The following CHL1 variants were observed in gnomAD, a reference collection of about 807,000 sequenced individuals.
CHL1 encodes the protein neural cell adhesion molecule L1-like protein.
A neutral mutation model predicts 141.9 loss-of-function variants in CHL1; 96 were observed. That is an observed-to-expected ratio of 0.68 (90% CI 0.57 to 0.80). CHL1 has a LOEUF of 0.80. Among genes scored for constraint, CHL1 ranks in the 30% least tolerant of loss-of-function variants. CHL1 has a pLI of 0.00. For missense variants in CHL1, 1,820 were observed against 1,457.2 expected, an observed-to-expected ratio of 1.25 and a Z score of -4.05; for synonymous variants, 613 against 502.2, an observed-to-expected ratio of 1.22 and a Z score of -2.95.
At chr3:317,654 G>GA (rs35799872) in intron 2 of CHL1, among the ~76,000 whole-genome samples, 25,898 of 132,148 alleles carry the variant, frequency 0.2, 3,096 homozygotes, top group African/African-American at 0.36. Flanking sequence ...AACTGTTTCA[G>GA]AAAAAAAAAA....
intron 10 of CHL1, among the ~76,000 whole-genome samples, chr3:350,457 A>C (rs780883964): frequency 5.7e-4 from 86 of 152,194 alleles, no homozygotes; most frequent in Non-Finnish European, 1.1e-3. Flanking sequence ...AGTGCAGTGT[A>C]AGCTTAGCTA....
intron 25 of CHL1, 91 bp from the exon 26 acceptor site, chr3:398,926 G>A (rs1708894839): frequency 8.0e-7 from 1 of 1,247,276 alleles, no homozygotes; most frequent in Non-Finnish European, 1.2e-6. Flanking sequence ...TATTTGGTAT[G>A]TTTAAAAATG....
At chr3:393,987 T>C (rs1370499434) in intron 23 of CHL1, among the ~76,000 whole-genome samples, 1 of 152,192 alleles carries the variant, frequency 6.6e-6, no homozygotes, top group Non-Finnish European at 1.5e-5. Context: ...ACAGCTGCAC[T>C]ATCTTGGGTG....
Position 399,094 on chromosome 3 carries a change from C to T in CHL1, c.3331C>T (p.Leu1111=), listed in dbSNP as rs1172906344. Residue 1111 remains leucine (L), a synonymous_variant, in exon 26 of 28, where the codon CTA becomes TTA. Transcript: ENST00000256509. Reference sequence around the variant, plus strand: ...GATGTGTGCGATTGCTCTTCTCACACTACTATTATTAACTGTTTGCTTTGT... The same window carrying T: ...GATGTGTGCGATTGCTCTTCTCACATTACTATTATTAACTGTTTGCTTTGT... ...GLMCAIALLT[L]LLLTVCFVKR... The T allele has an allele frequency of 2.5e-6, 4 of 1,607,290 alleles. No homozygotes were observed. Among genetic ancestry groups the T allele is most frequent in the African/African-American group, 1.3e-5 (1 of 74,774 alleles).
intron 27 of CHL1, among the ~76,000 whole-genome samples, chr3:404,130 C>G (rs1007503798): frequency 5.3e-5 from 8 of 152,202 alleles, no homozygotes; most frequent in Non-Finnish European, 1.0e-4. Flanking sequence ...GACGAGCATC[C>G]AGGCTCCCCA....
At chr3:197,888 G>A in intron 1 of CHL1, 1 of 263,530 alleles carries the variant, frequency 3.8e-6, no homozygotes, top group Non-Finnish European at 7.4e-6. Context: ...TTTTTTTTTT[G>A]GAGTGTGAGT....
chr3:280,008 C>CT (rs753516550), intron 2 of CHL1, among the ~76,000 whole-genome samples: 32 of 151,926 alleles, frequency 2.1e-4, no homozygotes, highest in Non-Finnish European at 4.3e-4. Context: ...TTTTTAACTG[C>CT]TGATTATGGT....
chr3:344,809 T>C, intron 9 of CHL1, 100 bp downstream of exon 9: 2 of 1,233,316 alleles, frequency 1.6e-6, no homozygotes, highest in East Asian at 2.5e-5. Flanking sequence ...TATTTTAAAA[T>C]TATTTCCTTA....
At chr3:372,382 T>C (rs1314519092) in intron 15 of CHL1, among the ~76,000 whole-genome samples, 1 of 152,130 alleles carries the variant, frequency 6.6e-6, no homozygotes, top group African/African-American at 2.4e-5. Context: ...ATGTCCTTTC[T>C]TCCACTTGGT....
intron 2 of CHL1, among the ~76,000 whole-genome samples, chr3:261,752 A>C (rs1287117022): frequency 6.6e-6 from 1 of 152,180 alleles, no homozygotes. Context: ...CTCAGTATTT[A>C]TAAAGAGAAA....
At chr3:275,208 C>G (rs1002591540) in intron 2 of CHL1, among the ~76,000 whole-genome samples, 7 of 152,222 alleles carry the variant, frequency 4.6e-5, no homozygotes, top group African/African-American at 1.7e-4. Flanking sequence ...TGGTAGGGGT[C>G]AGGCTCTTAG....
In CHL1 at chr3:407,991, G is replaced by A. The variant is rs555670981; in HGVS notation, c.*2280G>A. On this transcript the variant is annotated 3_prime_UTR_variant, in exon 28 of 28. Transcript: ENST00000256509. ...CTCAATACTATTTGGCAACTACTGGGACTCTTCAGCACAAAAGGAATAGAT... is the reference window on the plus strand; with the variant it reads ...CTCAATACTATTTGGCAACTACTGGAACTCTTCAGCACAAAAGGAATAGAT... The A allele has an allele frequency of 7.2e-5, 11 of 151,962 alleles. No homozygotes were observed. The highest frequency in any genetic ancestry group is 1.6e-4 in the Non-Finnish European group (11 of 67,992). 9.4% of individuals were successfully genotyped at this position (151,962 alleles called of 1,614,324 possible).
At chr3:253,138 A>G (rs1693851314) in intron 2 of CHL1, among the ~76,000 whole-genome samples, 1 of 152,084 alleles carries the variant, frequency 6.6e-6, no homozygotes, top group Non-Finnish European at 1.5e-5. Flanking sequence ...GTCCTTACAG[A>G]GTTTATTTTT....
rs752032870 is a variant in CHL1, at chr3:328,213, C to G, written c.244C>G (p.Arg82Gly). ...CAACCCTTTTTATTTCACTGACCAT[C>G]GGATAATTCCATCGAACAATTCAGG... ...DGNPFYFTDH[R>G]IIPSNNSGTF... The change falls in exon 5 of 28, where the codon CGG (arginine) becomes GGG (glycine). Residue 82 changes from arginine (R) to glycine (G), a missense_variant. Transcript: ENST00000256509. 7 of 1,609,206 alleles carry G rather than the reference C, an allele frequency of 4.3e-6. No individual in the cohort carries two copies. In the Admixed American group the frequency reaches 1.2e-4, roughly 27 times the overall value.
At chr3:346,972 A>T (rs979954968) in intron 9 of CHL1, among the ~76,000 whole-genome samples, 4 of 152,200 alleles carry the variant, frequency 2.6e-5, no homozygotes, top group African/African-American at 7.2e-5. Context: ...GTGTCAGGTG[A>T]ACATGAGATA....
intron 1 of CHL1, chr3:198,196 G>GATCTACA: frequency 2.3e-5 from 4 of 176,728 alleles, no homozygotes; most frequent in East Asian, 1.8e-4. Context: ...GCGGCGGAGG[G>GATCTACA]CAGGTGTGCG....
At chr3:207,271 T>A (rs1372396296) in intron 1 of CHL1, among the ~76,000 whole-genome samples, 1 of 152,244 alleles carries the variant, frequency 6.6e-6, no homozygotes, top group African/African-American at 2.4e-5. Flanking sequence ...GTGGCAAGAA[T>A]AAGTTTGTTT....
intron 2 of CHL1, among the ~76,000 whole-genome samples, chr3:268,863 G>A (rs182051424): frequency 6.6e-6 from 1 of 152,260 alleles, no homozygotes; most frequent in East Asian, 1.9e-4. Flanking sequence ...TCCAGTATTC[G>A]AGAATACAGG....
intron 2 of CHL1, among the ~76,000 whole-genome samples, chr3:254,342 G>T (rs1177098580): frequency 6.6e-6 from 1 of 152,108 alleles, no homozygotes; most frequent in Non-Finnish European, 1.5e-5. Flanking sequence ...AACCTGCTAT[G>T]GTAATTTTCA....
Sources: allele counts gnomAD v4.1 joint callset (sites outside exome capture counted in the v4.1 genomes callset), GRCh38; gene constraint gnomAD v4.1.1; transcripts MANE v1.5; gene names NCBI Gene and HGNC (gene_info 2026-07-23, HGNC 2026-07-21).